Variants in CEP89 observed in about 807,000 individuals in gnomAD.
CEP89 encodes the protein centrosomal protein of 89 kDa.
A neutral mutation model predicts 97.6 loss-of-function variants in CEP89; 95 were observed. The ratio of observed to expected loss-of-function variants is 0.97; its 90% CI spans 0.82 to 1.15. CEP89 has a LOEUF of 1.15. Among genes scored for constraint, CEP89 ranks in the 50% most tolerant of loss-of-function variants. CEP89 has a pLI of 0.00. For missense variants in CEP89, 869 were observed against 947.7 expected, an observed-to-expected ratio of 0.92 and a Z score of 1.09; for synonymous variants, 354 against 349.1, an observed-to-expected ratio of 1.01 and a Z score of -0.16.
intron 14 of CEP89, among the ~76,000 whole-genome samples, chr19:32,903,257 T>G (rs1032005446): frequency 1.7e-4 from 26 of 152,060 alleles, no homozygotes; most frequent in African/African-American, 6.3e-4. Flanking sequence ...GTGGCTTAAG[T>G]GTGCACCAGA....
intron 11 of CEP89, among the ~76,000 whole-genome samples, chr19:32,925,137 C>A (rs1405048263): frequency 6.6e-6 from 1 of 152,082 alleles, no homozygotes; most frequent in Admixed American, 6.6e-5. Flanking sequence ...AAGGACCCTC[C>A]CAGCTCAGGA....
chr19:32,913,309 TTTTGTTGTTG>T (rs1970049687), intron 14 of CEP89, among the ~76,000 whole-genome samples: 2 of 34,636 alleles, frequency 5.8e-5, no homozygotes, highest in Non-Finnish European at 1.2e-4. Flanking sequence ...ATATATATTT[TTTTGTTGTTG>T]TTGTTGTTGT....
intron 1 of CEP89, among the ~76,000 whole-genome samples, chr19:32,968,471 C>T (rs1971330764): frequency 6.6e-6 from 1 of 152,204 alleles, no homozygotes; most frequent in Admixed American, 6.5e-5. Flanking sequence ...TGGTCTCAAA[C>T]TCCTGACCTC....
At chr19:32,953,193 A>G in intron 4 of CEP89, among the ~76,000 whole-genome samples, 1 of 151,108 alleles carries the variant, frequency 6.6e-6, no homozygotes, top group East Asian at 2.0e-4. Context: ...CACAGGAGTT[A>G]GAAACGGGAG....
At chr19:32,928,935 G>A (rs1299730406) in intron 9 of CEP89, among the ~76,000 whole-genome samples, 2 of 152,134 alleles carry the variant, frequency 1.3e-5, no homozygotes, top group African/African-American at 4.8e-5. Flanking sequence ...AGGGTCATAG[G>A]CTGGTGCTGC....
At chr19:32,879,479 A>G in intron 18 of CEP89, 101 bp from the exon 19 acceptor site, 1 of 951,744 alleles carries the variant, frequency 1.1e-6, no homozygotes, top group South Asian at 1.5e-5. Flanking sequence ...CGCTATCAGC[A>G]GGGAACAGAG....
intron 2 of CEP89, among the ~76,000 whole-genome samples, chr19:32,961,835 G>C (rs186704723): frequency 6.6e-6 from 1 of 151,814 alleles, no homozygotes; most frequent in East Asian, 1.9e-4. Flanking sequence ...GTAGAGATGG[G>C]GTCTCAATAT....
chr19:32,946,491 A>G (rs1970800518), intron 5 of CEP89, among the ~76,000 whole-genome samples: 1 of 152,192 alleles, frequency 6.6e-6, no homozygotes, highest in African/African-American at 2.4e-5. Flanking sequence ...CACTTTATAT[A>G]CATATACTCT....
At chr19:32,937,731 G>T in intron 6 of CEP89, 58 bp from the exon 7 acceptor site, 1 of 1,221,660 alleles carries the variant, frequency 8.2e-7, no homozygotes, top group South Asian at 1.3e-5. Context: ...TTATAAAGTG[G>T]ACACACGCAG....
intron 14 of CEP89, among the ~76,000 whole-genome samples, chr19:32,910,264 T>TGAGA (rs1555790008): frequency 1.2e-5 from 1 of 81,246 alleles, no homozygotes; most frequent in Non-Finnish European, 2.6e-5. Flanking sequence ...AGACTCTGCC[T>TGAGA]CAGAGAGAGA....
chr19:32,931,920 G>A (rs1270955855), intron 8 of CEP89, among the ~76,000 whole-genome samples: 2 of 152,210 alleles, frequency 1.3e-5, no homozygotes, highest in African/African-American at 2.4e-5. Flanking sequence ...GGTGGCTCAC[G>A]CCTGTAATCC....
chr19:32,944,658 A>G (rs1970758805), intron 5 of CEP89, among the ~76,000 whole-genome samples: 1 of 151,516 alleles, frequency 6.6e-6, no homozygotes, highest in Non-Finnish European at 1.5e-5. Flanking sequence ...AGAAGGAGGA[A>G]GTACTAGCAA....
rs58382447 is a variant in CEP89 at position 32,892,188 on chromosome 19, A to AC, written c.1876-4348_1876-4347insG. Among the ~76,000 whole-genome samples the AC allele has an allele frequency of 2.3e-5, 3 of 131,878 alleles. 1 individual carries two copies. The highest frequency in any genetic ancestry group is 5.4e-5 in the African/African-American group (2 of 36,876). The allele number at this position is 131,878 out of a possible 152,430, so 86.5% of individuals were successfully genotyped here. A position where few individuals can be genotyped will look rare whatever the true frequency, so the allele number is the denominator to read the frequency against. ...CATATATTTAGACATATATATTTAG[A>AC]ATATATATTTAGACATATATATATA... On this transcript the variant is annotated intron_variant, in intron 16 of 18. Coordinates refer to ENST00000305768, the MANE Select transcript of CEP89 (RefSeq NM_032816.5).
chr19:32,950,162 A>G (rs950172728), intron 4 of CEP89, among the ~76,000 whole-genome samples: 6 of 152,088 alleles, frequency 3.9e-5, no homozygotes, highest in Non-Finnish European at 8.8e-5. Context: ...GCCGACCTCA[A>G]GCTTTTTTAT....
chr19:32,927,068 G>C, intron 9 of CEP89, 84 bp from the exon 10 acceptor site: 1 of 1,239,770 alleles, frequency 8.1e-7, no homozygotes, highest in Non-Finnish European at 1.2e-6. Flanking sequence ...ATCTAGACTG[G>C]GCATTGCCCA....
At position 32,918,274 on chromosome 19, in the gene CEP89, T is replaced by G; in HGVS notation, c.1334A>C (p.Glu445Ala). Residue 445 changes from glutamate to alanine, a missense_variant, in exon 13 of 19, where the codon GAG becomes GCG. Coordinates refer to ENST00000305768, the MANE Select transcript of CEP89 (RefSeq NM_032816.5). ...GTCCTTGGCTTTCCTTTGCTGAATC[T>G]CCAACTGCTCCAGCAACAACTTGTT... ...EENKLLLEQL[E>A]IQQRKAKDSH... 6.2e-7 allele frequency: 1 copy of G among 1,614,152 alleles called. No individual in the cohort carries two copies. The highest frequency in any genetic ancestry group is 8.5e-7 in the Non-Finnish European group (1 of 1,180,026).
intron 11 of CEP89, among the ~76,000 whole-genome samples, chr19:32,925,640 C>T (rs1970342114): frequency 6.6e-6 from 1 of 151,966 alleles, no homozygotes; most frequent in Non-Finnish European, 1.5e-5. Context: ...AGGTACGTGC[C>T]ACCACACCAG....
At chr19:32,879,591 T>C (rs1197999796) in intron 18 of CEP89, among the ~76,000 whole-genome samples, 3 of 152,126 alleles carry the variant, frequency 2.0e-5, no homozygotes, top group Non-Finnish European at 2.9e-5. Flanking sequence ...GGGCTCAGTG[T>C]GGAATGAAGC....
intron 16 of CEP89, 90 bp downstream of exon 16, chr19:32,899,767 G>T: frequency 7.4e-7 from 1 of 1,348,846 alleles, no homozygotes; most frequent in South Asian, 1.3e-5. Flanking sequence ...CCTGGATAAA[G>T]CTTTTAATAG....
Sources: gnomAD v4.1 joint callset for allele counts (sites outside exome capture counted in the v4.1 genomes callset) on GRCh38, gnomAD v4.1.1 for gene constraint, MANE v1.5 for transcripts, NCBI Gene and HGNC (gene_info 2026-07-23, HGNC 2026-07-21) for gene names.